OR2L13: variants seen among roughly 807,000 people sequenced by gnomAD.
The protein encoded by OR2L13 is olfactory receptor 2L13.
OR2L13 carries 14 observed loss-of-function variants against 15.3 expected under a neutral mutation model. That is an observed-to-expected ratio of 0.91 (90% CI 0.60 to 1.43). The LOEUF is 1.43. OR2L13 is among the 40% of genes most tolerant of loss of function. The pLI is 0.00. For synonymous variants in OR2L13, 152 were observed against 142.9 expected (o/e 1.06, Z -0.45); for missense variants, 367 against 387.9 (o/e 0.95, Z 0.45).
upstream of OR2L13, among the ~76,000 whole-genome samples, chr1:248,090,972 C>A (rs1387936143): frequency 6.6e-6 from 1 of 151,808 alleles, no homozygotes; most frequent in African/African-American, 2.4e-5. Context: ...TTAGTAATAC[C>A]CATTCTGACT....
chr1:247,989,174 G>T, the OR2L13 span, among the ~76,000 whole-genome samples: 22 of 152,224 alleles, frequency 1.4e-4, no homozygotes, highest in East Asian at 4.2e-3. Context: ...TACATTTCAT[G>T]AAAAAGGTAC....
the OR2L13 span, among the ~76,000 whole-genome samples, chr1:247,955,962 T>C: frequency 6.7e-6 from 1 of 149,626 alleles, no homozygotes; most frequent in African/African-American, 2.4e-5. Context: ...ATCCCATTTG[T>C]CAATTTTGGC....
the OR2L13 span, among the ~76,000 whole-genome samples, chr1:248,025,567 A>C: frequency 2.0e-5 from 3 of 149,138 alleles, no homozygotes; most frequent in East Asian, 5.9e-4. Flanking sequence ...TAGAACTAGA[A>C]ATACCATTTG....
the OR2L13 span, among the ~76,000 whole-genome samples, chr1:248,012,197 A>AG: frequency 6.6e-6 from 1 of 152,258 alleles, no homozygotes; most frequent in Non-Finnish European, 1.5e-5. Context: ...CAGGGAGAAC[A>AG]GGGGTATTTC....
At chr1:247,996,300 C>T in the OR2L13 span, among the ~76,000 whole-genome samples, 4 of 152,194 alleles carry the variant, frequency 2.6e-5, no homozygotes, top group African/African-American at 9.7e-5. Flanking sequence ...AAATGCTTAT[C>T]ACCTGAATCT....
At chr1:248,021,958 A>C in the OR2L13 span, 17 of 1,612,404 alleles carry the variant, frequency 1.1e-5, no homozygotes, top group Non-Finnish European at 1.4e-5. Flanking sequence ...ATGGAAAATT[A>C]CAATCAAACG....
At chr1:247,985,817 T>C in the OR2L13 span, among the ~76,000 whole-genome samples, 1 of 152,246 alleles carries the variant, frequency 6.6e-6, no homozygotes, top group East Asian at 1.9e-4. Flanking sequence ...TGGTGTGAGA[T>C]GGTATCCCAT....
the OR2L13 span, among the ~76,000 whole-genome samples, chr1:248,002,969 A>G: frequency 2.0e-4 from 31 of 152,202 alleles, no homozygotes; most frequent in South Asian, 4.2e-4. Context: ...GCTATAATCC[A>G]TCTGGACCTG....
the OR2L13 span, among the ~76,000 whole-genome samples, chr1:248,012,092 C>T: frequency 1.3e-5 from 2 of 152,134 alleles, no homozygotes; most frequent in African/African-American, 2.4e-5. Flanking sequence ...ATCACTTCTT[C>T]CAGAATAAAT....
At chr1:247,968,127 A>G in the OR2L13 span, among the ~76,000 whole-genome samples, 2 of 152,136 alleles carry the variant, frequency 1.3e-5, no homozygotes, top group South Asian at 2.1e-4. Context: ...TCATCGCATA[A>G]AGTAAACCAT....
At chr1:248,011,706 A>T in the OR2L13 span, among the ~76,000 whole-genome samples, 1 of 152,184 alleles carries the variant, frequency 6.6e-6, no homozygotes, top group Non-Finnish European at 1.5e-5. Context: ...ATGCAGTATT[A>T]TTAACCATTA....
the OR2L13 span, among the ~76,000 whole-genome samples, chr1:247,962,593 A>G: frequency 2.0e-5 from 3 of 152,228 alleles, no homozygotes; most frequent in Admixed American, 6.5e-5. Flanking sequence ...TTACCAGCGT[A>G]AACTTTTTTG....
the OR2L13 span, among the ~76,000 whole-genome samples, chr1:248,028,112 G>T: frequency 8.3e-6 from 1 of 121,110 alleles, no homozygotes; most frequent in East Asian, 2.7e-4. Context: ...CTGCACTCTA[G>T]CCTGAGCGAC....
the OR2L13 span, among the ~76,000 whole-genome samples, chr1:248,020,731 G>C: frequency 2.7e-3 from 406 of 152,018 alleles, 4 homozygotes; most frequent in African/African-American, 9.3e-3. Flanking sequence ...AATGATGTCT[G>C]ACTTAGAGAA....
At chr1:248,011,166 G>A in the OR2L13 span, among the ~76,000 whole-genome samples, 1 of 152,090 alleles carries the variant, frequency 6.6e-6, no homozygotes, top group Non-Finnish European at 1.5e-5. Context: ...AAATCTCTTA[G>A]CATTTGCTTG....
At chr1:248,098,129 A>G (rs746043175) in intron 1 of OR2L13, among the ~76,000 whole-genome samples, 3 of 152,210 alleles carry the variant, frequency 2.0e-5, no homozygotes, top group Admixed American at 1.3e-4. Flanking sequence ...GTTTAATCCA[A>G]TGATCTCTCT....
At chr1:248,067,065 A>T in the OR2L13 span, among the ~76,000 whole-genome samples, 2 of 152,256 alleles carry the variant, frequency 1.3e-5, no homozygotes, top group Non-Finnish European at 2.9e-5. Context: ...TTTAAAGTGC[A>T]AGAAGTAATT....
At chr1:248,042,724 CATA>C in the OR2L13 span, among the ~76,000 whole-genome samples, 5 of 152,164 alleles carry the variant, frequency 3.3e-5, no homozygotes, top group Admixed American at 1.3e-4. Flanking sequence ...TAAAATTAAT[CATA>C]ATATTTTATC....
the OR2L13 span, chr1:247,990,925 A>G: frequency 1.4e-6 from 2 of 1,477,382 alleles, no homozygotes; most frequent in Non-Finnish European, 1.9e-6. Flanking sequence ...CTATGGCCGG[A>G]TTCTCCTTGC....
Sources: allele counts gnomAD v4.1 joint callset (sites outside exome capture counted in the v4.1 genomes callset), GRCh38; gene constraint gnomAD v4.1.1; transcripts MANE v1.5; gene names NCBI Gene and HGNC (gene_info 2026-07-23, HGNC 2026-07-21).